FREM1: variants seen among roughly 807,000 people sequenced by gnomAD.
FREM1 encodes FRAS1 related extracellular matrix 1.
FREM1 carries 220 observed loss-of-function variants against 210.1 expected under a neutral mutation model. The ratio of observed to expected loss-of-function variants is 1.05; its 90% CI spans 0.94 to 1.17. The LOEUF (loss-of-function observed/expected upper bound fraction) is 1.17. Among genes scored for constraint, FREM1 ranks in the 50% most tolerant of loss-of-function variants. The pLI is 0.00. For missense variants in FREM1, 3,454 were observed against 2,675.5 expected (o/e 1.29, Z -6.42); for synonymous variants, 1,189 against 980.2 (o/e 1.21, Z -3.98).
Position 14,863,802 on chromosome 9 carries a change from C to G in FREM1, c.329+7G>C. ...CAGCAAATGAGCGATGTTCCCGTGC[C>G]GCTTACCTGTAAAGTCTGAGCTTCA... On this transcript the variant is annotated splice_region_variant and intron_variant, in intron 3 of 36. Transcript: ENST00000380880. 6.3e-7 allele frequency: 1 copy of G among 1,582,764 alleles called. No homozygotes were observed. Among genetic ancestry groups the G allele is most frequent in the South Asian group, 1.1e-5 (1 of 90,230 alleles).
At chr9:14,835,769 C>A (rs551404005) in intron 10 of FREM1, among the ~76,000 whole-genome samples, 1 of 152,196 alleles carries the variant, frequency 6.6e-6, no homozygotes, top group Non-Finnish European at 1.5e-5. Flanking sequence ...GCACTTTATG[C>A]AAATAATCAG....
Position 14,775,877 on chromosome 9 carries a change from C to T in FREM1, c.4769G>A (p.Cys1590Tyr), listed in dbSNP as rs372076434. The T allele has an allele frequency of 5.0e-6, 8 of 1,613,908 alleles. No individual in the cohort carries two copies. The East Asian group carries it at 6.7e-5, about 13-fold the overall frequency. ...CCCATCTGTGGCCATGAAAGTAAAGCAGTCAGTCTGGGAGTCCCCTCCTGA... is the reference window on the plus strand; with the variant it reads ...CCCATCTGTGGCCATGAAAGTAAAGTAGTCAGTCTGGGAGTCCCCTCCTGA... ...RHSGGDSQTD[C>Y]FTFMATDGTN... Residue 1590 changes from cysteine to tyrosine, a missense_variant, in exon 25 of 37, where the codon TGC becomes TAC. By Grantham distance (194) the Cys-to-Tyr change is radical. Coordinates refer to ENST00000380880, the MANE Select transcript of FREM1 (RefSeq NM_001379081.2).
intron 1 of FREM1, among the ~76,000 whole-genome samples, chr9:14,899,597 C>T (rs1261136234): frequency 1.3e-5 from 2 of 152,120 alleles, no homozygotes; most frequent in African/African-American, 2.4e-5. Context: ...ACTGCAAACA[C>T]CAGTAAGTCA....
chr9:14,899,243 C>T (rs1838328722), intron 1 of FREM1, among the ~76,000 whole-genome samples: 1 of 152,216 alleles, frequency 6.6e-6, no homozygotes, highest in Admixed American at 6.5e-5. Flanking sequence ...CACAGTGAGA[C>T]ACCACATGTG....
chr9:14,851,843 C>T (rs729491), intron 5 of FREM1, among the ~76,000 whole-genome samples: 22,093 of 152,062 alleles, frequency 0.15, 2,287 homozygotes, highest in East Asian at 0.56. Flanking sequence ...CAGTATTTCT[C>T]GAGCTCCCTG....
rs139454160 is a variant in FREM1, at chr9:14,817,749, T to C, written c.2547-878A>G. Among the ~76,000 whole-genome samples, 119 of 152,318 alleles carry C rather than the reference T, an allele frequency of 7.8e-4. 1 individual carries two copies. The highest frequency in any genetic ancestry group is 2.8e-3 in the African/African-American group (117 of 41,576). ...TTTTACTGAGGACTAGTTTCACCCA[T>C]AGGCAGGGTAGGAACTGAGGTTGAG... On this transcript the variant is annotated intron_variant, in intron 14 of 36. Coordinates refer to ENST00000380880, the MANE Select transcript of FREM1 (RefSeq NM_001379081.2).
chr9:14,760,856 CT>C (rs936726019), intron 27 of FREM1, among the ~76,000 whole-genome samples: 1 of 151,594 alleles, frequency 6.6e-6, no homozygotes, highest in Admixed American at 6.6e-5. Flanking sequence ...GAGGTCTTGC[CT>C]TTTTTTTGCC....
chr9:14,817,747 C>A (rs1820558385), intron 14 of FREM1, among the ~76,000 whole-genome samples: 1 of 152,138 alleles, frequency 6.6e-6, no homozygotes, highest in Non-Finnish European at 1.5e-5. Context: ...TAGTTTCACC[C>A]ATAGGCAGGG....
At chr9:14,899,032 T>C (rs1206368324) in intron 1 of FREM1, among the ~76,000 whole-genome samples, 1 of 152,212 alleles carries the variant, frequency 6.6e-6, no homozygotes, top group African/African-American at 2.4e-5. Flanking sequence ...TCAGGCTGAA[T>C]TGACTCTCCT....
intron 14 of FREM1, among the ~76,000 whole-genome samples, chr9:14,817,731 G>A (rs764415279): frequency 7.2e-5 from 11 of 152,246 alleles, no homozygotes; most frequent in Non-Finnish European, 1.3e-4. Context: ...GTATTTTACT[G>A]AGGACTAGTT....
In FREM1 at chr9:14,877,499, C is replaced by A. The variant is rs139225451; in HGVS notation, c.-267-8255G>T. Among the ~76,000 whole-genome samples the A allele has an allele frequency of 3.9e-3, 595 of 151,416 alleles. 9 individuals are homozygous for A. Among genetic ancestry groups the A allele is most frequent in the African/African-American group, 0.014 (561 of 41,208 alleles). Reference sequence around the variant, plus strand: ...CCAAATAATTCCAGTCTCCTAGTATCCAAAAGTTCCTTCCCCTTGAGTGCC... The same window carrying A: ...CCAAATAATTCCAGTCTCCTAGTATACAAAAGTTCCTTCCCCTTGAGTGCC... On this transcript the variant is annotated intron_variant, in intron 1 of 36. Coordinates refer to ENST00000380880, the MANE Select transcript of FREM1 (RefSeq NM_001379081.2).
chr9:14,772,861 G>T (rs1847833427), intron 25 of FREM1, among the ~76,000 whole-genome samples: 1 of 152,170 alleles, frequency 6.6e-6, no homozygotes, highest in Admixed American at 6.5e-5. Flanking sequence ...GAATGTAGAT[G>T]GTTGTTTTAT....
chr9:14,859,336 T>G lies in FREM1; in HGVS notation c.478A>C (p.Arg160=), dbSNP rs562234198. ...LSQAIDKNLL[R]FDYDRMASLE... Reference sequence around the variant, plus strand: ...CTAGCCATCCTATCATAATCGAATCTGAGCAGATTTTTATCAATCGCTTGG... The same window carrying G: ...CTAGCCATCCTATCATAATCGAATCGGAGCAGATTTTTATCAATCGCTTGG... Residue 160 remains arginine (R), a synonymous_variant, in exon 4 of 37, where the codon AGA becomes CGA. Coordinates refer to ENST00000380880, the MANE Select transcript of FREM1 (RefSeq NM_001379081.2). 3.8e-5 allele frequency: 61 copies of G among 1,613,920 alleles called. No homozygotes were observed. The highest frequency in any genetic ancestry group is 5.0e-5 in the Non-Finnish European group (59 of 1,179,878).
chr9:14,792,890 A>G lies in FREM1; in HGVS notation c.3840-6T>C, dbSNP rs1353329246. 4 of 1,557,330 alleles carry G rather than the reference A, an allele frequency of 2.6e-6. No homozygotes were observed. Among genetic ancestry groups the G allele is most frequent in the Admixed American group, 3.8e-5 (2 of 52,218 alleles). ...TCATTGCAATTTCAGCCTTCCTGTA[A>G]AAAGAAAAATGTCTGGGTTGATATA... On this transcript the variant is annotated splice_region_variant and splice_polypyrimidine_tract_variant and intron_variant, in intron 21 of 36. Coordinates refer to ENST00000380880, the MANE Select transcript of FREM1 (RefSeq NM_001379081.2).
At chr9:14,828,628 T>C (rs1294302826) in intron 10 of FREM1, among the ~76,000 whole-genome samples, 1 of 97,678 alleles carries the variant, frequency 1.0e-5, no homozygotes, top group Non-Finnish European at 1.9e-5. Context: ...GAGAAGAACA[T>C]AAATTGTGGC....
At position 14,776,241 on chromosome 9, in the gene FREM1, C is replaced by T. The variant is rs778935180; in HGVS notation, c.4443-38G>A. The T allele has an allele frequency of 4.0e-6, 6 of 1,503,380 alleles. No homozygotes were observed. The African/African-American group carries it at 4.2e-5, about 11-fold the overall frequency. 93.1% of individuals were successfully genotyped at this position (1,503,380 alleles called of 1,614,324 possible). A position where few individuals can be genotyped will look rare whatever the true frequency, so the allele number is the denominator to read the frequency against. On this transcript the variant is annotated intron_variant, in intron 24 of 36. Transcript: ENST00000380880. ...GGCAAGGCAGCCTTCAGCATGGATT[C>T]TTGTGTCACCATCTACTGGAATGAA...
At chr9:14,873,227 T>G (rs1215692305) in intron 1 of FREM1, among the ~76,000 whole-genome samples, 6 of 152,134 alleles carry the variant, frequency 3.9e-5, no homozygotes, top group African/African-American at 1.4e-4. Flanking sequence ...TTGATTGGAA[T>G]AGTTTCAGAA....
rs10810240 is a variant in FREM1, at chr9:14,784,780, T to G, written c.4178-146A>C. 146,222 of 478,666 alleles carry G rather than the reference T, an allele frequency of 0.31. 23,593 individuals are homozygous for G. The highest frequency in any genetic ancestry group is 0.44 in the East Asian group (13,001 of 29,830). 29.7% of individuals were successfully genotyped at this position (478,666 alleles called of 1,614,324 possible). A position where few individuals can be genotyped will look rare whatever the true frequency, so the allele number is the denominator to read the frequency against. The stretch of plus-strand genomic sequence containing the variant: ...TTTATATAACTATTATGAATAAAAA[T>G]AATTAACCAAAAGGCATGAGCAGAT... On this transcript the variant is annotated intron_variant, in intron 23 of 36. Transcript: ENST00000380880.
chr9:14,860,688 TATATACACAC>T, intron 3 of FREM1, among the ~76,000 whole-genome samples: 1 of 113,344 alleles, frequency 8.8e-6, no homozygotes, highest in African/African-American at 4.5e-5. Flanking sequence ...TATATACACA[TATATACACAC>T]ATATATACAC....
Sources: allele counts gnomAD v4.1 joint callset (sites outside exome capture counted in the v4.1 genomes callset), GRCh38; gene constraint gnomAD v4.1.1; transcripts MANE v1.5; gene names NCBI Gene and HGNC (gene_info 2026-07-23, HGNC 2026-07-21).